The following KCNG3 variants were observed in gnomAD, a reference collection of about 807,000 sequenced individuals.
KCNG3 encodes the protein potassium voltage-gated channel modifier subfamily G member 3.
A neutral mutation model predicts 29.0 loss-of-function variants in KCNG3; 15 were observed. The ratio of observed to expected loss-of-function variants is 0.52; its 90% CI spans 0.35 to 0.80. KCNG3 has a LOEUF of 0.80. Among genes scored for constraint, KCNG3 ranks in the 30% least tolerant of loss-of-function variants. KCNG3 has a pLI of 0.01. For missense variants in KCNG3, 512 were observed against 605.7 expected (o/e 0.85, Z 1.62); for synonymous variants, 322 against 248.9 (o/e 1.29, Z -2.76).
At chr2:42,487,183 A>G (rs1476281910) in intron 1 of KCNG3, among the ~76,000 whole-genome samples, 1 of 151,330 alleles carries the variant, frequency 6.6e-6, no homozygotes, top group African/African-American at 2.4e-5. Context: ...AAGAATTCAC[A>G]ATTTTTTTTA....
chr2:42,390,408 C>T, the KCNG3 span, among the ~76,000 whole-genome samples: 1 of 152,152 alleles, frequency 6.6e-6, no homozygotes, highest in South Asian at 2.1e-4. Flanking sequence ...GAAAGATTGG[C>T]TTCATTTTCC....
At chr2:42,440,653 T>C (rs191945234), downstream of KCNG3, among the ~76,000 whole-genome samples, 56 of 152,300 alleles carry the variant, frequency 3.7e-4, no homozygotes, top group African/African-American at 1.3e-3. Flanking sequence ...TGACAGCCAT[T>C]GTGGAAATAA....
chr2:42,469,461 C>T (rs1224716225), intron 1 of KCNG3, among the ~76,000 whole-genome samples: 2 of 150,770 alleles, frequency 1.3e-5, no homozygotes, highest in South Asian at 4.2e-4. Context: ...GAAGTAGATC[C>T]ACATACCCAC....
At chr2:42,447,244 A>G (rs1332355674) in intron 1 of KCNG3, among the ~76,000 whole-genome samples, 1 of 151,654 alleles carries the variant, frequency 6.6e-6, no homozygotes, top group East Asian at 1.9e-4. Flanking sequence ...ATTTTTACTT[A>G]CATGTGTATA....
intron 1 of KCNG3, among the ~76,000 whole-genome samples, chr2:42,474,139 T>C (rs1406933233): frequency 6.7e-6 from 1 of 150,254 alleles, no homozygotes; most frequent in South Asian, 2.1e-4. Flanking sequence ...CTTCTGACTC[T>C]TGGTGATGCT....
chr2:42,437,410 T>G (rs1298935764), downstream of KCNG3, among the ~76,000 whole-genome samples: 1 of 152,188 alleles, frequency 6.6e-6, no homozygotes, highest in Admixed American at 6.5e-5. Context: ...TAAGAATTAC[T>G]GAATAAAAAA....
At position 42,493,534 on chromosome 2, in the gene KCNG3, GC is replaced by G. The variant is rs1350438905; in HGVS notation, c.-34del. 1 of 1,336,558 alleles carries G rather than the reference GC, an allele frequency of 7.5e-7. No homozygotes were observed. The highest frequency in any genetic ancestry group is 2.0e-5 in the South Asian group (1 of 48,834). 82.8% of individuals were successfully genotyped at this position (1,336,558 alleles called of 1,614,324 possible). ...CGCCCGGGGGACTTTCGGCCCGAGG[GC>G]CCCGCTGCAGCCCCCCACCCCAAGC... On this transcript the variant is annotated 5_prime_UTR_variant, in exon 1 of 2. Coordinates refer to ENST00000306078, the MANE Select transcript of KCNG3 (RefSeq NM_133329.6).
At chr2:42,489,844 T>G (rs713611) in intron 1 of KCNG3, among the ~76,000 whole-genome samples, 4 of 152,252 alleles carry the variant, frequency 2.6e-5, no homozygotes, top group Admixed American at 1.3e-4. Context: ...TGGATTAATT[T>G]TGACTCTTCC....
intron 1 of KCNG3, among the ~76,000 whole-genome samples, chr2:42,491,678 A>T (rs1207570251): frequency 6.6e-6 from 1 of 152,088 alleles, no homozygotes; most frequent in Non-Finnish European, 1.5e-5. Flanking sequence ...TCAAGCCAAG[A>T]AGAAATAATA....
chr2:42,436,857 T>C, the KCNG3 span, among the ~76,000 whole-genome samples: 1 of 152,218 alleles, frequency 6.6e-6, no homozygotes, highest in Admixed American at 6.5e-5. Flanking sequence ...TAAAATCTGA[T>C]TCTGTTTTGA....
intron 1 of KCNG3, among the ~76,000 whole-genome samples, chr2:42,484,642 G>C (rs1229715957): frequency 6.6e-6 from 1 of 152,208 alleles, no homozygotes; most frequent in African/African-American, 2.4e-5. Flanking sequence ...GGATTGAAGA[G>C]ATAGGGCAAG....
At position 42,493,476 on chromosome 2, in the gene KCNG3, G is replaced by T. The variant is rs773055232; in HGVS notation, c.26C>A (p.Ala9Asp). The T allele has an allele frequency of 7.0e-7, 1 of 1,429,708 alleles. No homozygotes were observed. The allele number at this position is 1,429,708 out of a possible 1,614,324, so 88.6% of individuals were successfully genotyped here. ...GCCGCCCACGTTCAGCACCACCGAG[G>T]CCGCCCCGCTGCGCCCGAAGGTCAT... MTFGRSGA[A>D]SVVLNVGGAR... Residue 9 changes from alanine (A) to aspartate (D), a missense_variant, in exon 1 of 2, where the codon GCC (alanine) becomes GAC (aspartate). This residue lies in a region of KCNG3 where 18 missense variants were observed against 36.1 expected (regional missense o/e 0.50). Transcript: ENST00000306078.
intron 1 of KCNG3, among the ~76,000 whole-genome samples, chr2:42,446,987 G>A (rs1266292966): frequency 2.6e-5 from 4 of 151,370 alleles, no homozygotes; most frequent in African/African-American, 9.7e-5. Context: ...CAAAAAATGA[G>A]GCAGGAGGAT....
the KCNG3 span, among the ~76,000 whole-genome samples, chr2:42,431,370 A>C: frequency 6.6e-6 from 1 of 152,166 alleles, no homozygotes; most frequent in Non-Finnish European, 1.5e-5. Context: ...AGTGTGCCCA[A>C]AATCTTGAAT....
chr2:42,460,903 T>C (rs1307959789), intron 1 of KCNG3, among the ~76,000 whole-genome samples: 2 of 152,118 alleles, frequency 1.3e-5, no homozygotes, highest in African/African-American at 4.8e-5. Flanking sequence ...GGCTCATATC[T>C]GTAATCCCAG....
At chr2:42,490,261 C>T (rs1673838704) in intron 1 of KCNG3, among the ~76,000 whole-genome samples, 1 of 151,984 alleles carries the variant, frequency 6.6e-6, no homozygotes, top group Admixed American at 6.6e-5. Flanking sequence ...GTACAGGTTG[C>T]ATTAACTAGA....
chr2:42,462,683 A>AAAAT (rs1167881537), intron 1 of KCNG3, among the ~76,000 whole-genome samples: 3 of 152,150 alleles, frequency 2.0e-5, no homozygotes, highest in African/African-American at 4.8e-5. Flanking sequence ...CTCTGTCTCA[A>AAAAT]AAATAAATAA....
chr2:42,465,432 G>A (rs1246017288), intron 1 of KCNG3, among the ~76,000 whole-genome samples: 1 of 151,796 alleles, frequency 6.6e-6, no homozygotes, highest in East Asian at 1.9e-4. Flanking sequence ...GCCCAGGCTG[G>A]TCTTGAACTC....
Position 42,443,975 on chromosome 2 carries a change from C to T in KCNG3, c.1270G>A (p.Ala424Thr), listed in dbSNP as rs1367127217. ...GTGGAGAGGCTCCTACTATACCTAGCAGATCTAAACTTGAGCTCATGATAA... is the reference window on the plus strand; with the variant it reads ...GTGGAGAGGCTCCTACTATACCTAGTAGATCTAAACTTGAGCTCATGATAA... ...QCYHELKFRS[A>T]RYSRSLSTEF... The change falls in exon 2 of 2, where the codon GCT becomes ACT. Residue 424 changes from alanine (A) to threonine (T), a missense_variant. By Grantham distance (58) the Ala-to-Thr change is moderately conservative. Around this residue, in one of 5 missense-constraint regions of KCNG3, gnomAD observed 173 missense variants for 262.4 expected, o/e 0.66. Coordinates refer to ENST00000306078, the MANE Select transcript of KCNG3 (RefSeq NM_133329.6). 3 of 1,613,836 alleles carry T rather than the reference C, an allele frequency of 1.9e-6. No individual in the cohort carries two copies. Among genetic ancestry groups the T allele is most frequent in the Admixed American group, 1.7e-5 (1 of 59,986 alleles).
Sources: allele counts gnomAD v4.1 joint callset (sites outside exome capture counted in the v4.1 genomes callset), GRCh38; gene constraint gnomAD v4.1.1; regional missense constraint gnomAD v4.1.1; transcripts MANE v1.5; gene names NCBI Gene and HGNC (gene_info 2026-07-23, HGNC 2026-07-21).